TXNRD1: variants seen among roughly 807,000 people sequenced by gnomAD.
The protein encoded by TXNRD1 is thioredoxin reductase 1, cytoplasmic.
Under a neutral mutation model 80.3 loss-of-function variants are expected in TXNRD1, and 57 were observed. That is an observed-to-expected ratio of 0.71 (90% CI 0.57 to 0.89). TXNRD1 has a LOEUF of 0.89. Ranked by LOEUF, TXNRD1 falls within the 40% of genes least tolerant of loss-of-function variation. The pLI is 0.00. For synonymous variants in TXNRD1, 291 were observed against 285.2 expected, an observed-to-expected ratio of 1.02 and a Z score of -0.20; for missense variants, 730 against 803.0, an observed-to-expected ratio of 0.91 and a Z score of 1.10.
In TXNRD1 at chr12:104,249,804, A is replaced by G. The variant is rs575682057; in HGVS notation, c.92-1723A>G. ...CAAAAAATTAGCCGGGCGTGGTGGC[A>G]GGCGCCTGTAGTCCCAGCTACTCGC... On this transcript the variant is annotated intron_variant, in intron 1 of 16. Transcript: ENST00000525566. 1.8e-3 allele frequency among the ~76,000 whole-genome samples: 270 copies of G among 151,952 alleles called. 2 individuals carry two copies. The highest frequency in any genetic ancestry group is 0.015 in the South Asian group (70 of 4,814).
chr12:104,300,054 T>A (rs1312981658), intron 4 of TXNRD1, among the ~76,000 whole-genome samples: 1 of 152,192 alleles, frequency 6.6e-6, no homozygotes, highest in Non-Finnish European at 1.5e-5. Context: ...TAGGTAAGTG[T>A]TAACAGCAAA....
intron 3 of TXNRD1, among the ~76,000 whole-genome samples, chr12:104,262,120 G>A (rs373174973): frequency 1.3e-5 from 2 of 151,130 alleles, no homozygotes; most frequent in Non-Finnish European, 1.5e-5. Flanking sequence ...TTATCCCAGC[G>A]ACTCAGGAGG....
At chr12:104,330,661 A>G (rs1209231194) in intron 13 of TXNRD1, among the ~76,000 whole-genome samples, 1 of 152,040 alleles carries the variant, frequency 6.6e-6, no homozygotes, top group African/African-American at 2.4e-5. Context: ...ATCTTGGCTC[A>G]CTGCAACCTC....
intron 1 of TXNRD1, among the ~76,000 whole-genome samples, chr12:104,224,343 G>A (rs771031093): frequency 6.6e-6 from 1 of 152,132 alleles, no homozygotes; most frequent in East Asian, 1.9e-4. Context: ...GTATTGTGTA[G>A]CATTCTATTA....
At chr12:104,255,569 C>A (rs1055988696) in intron 2 of TXNRD1, among the ~76,000 whole-genome samples, 1 of 152,084 alleles carries the variant, frequency 6.6e-6, no homozygotes, top group Non-Finnish European at 1.5e-5. Context: ...GAGGCCGAGG[C>A]GGGCGGATCA....
At chr12:104,348,272 C>A in intron 16 of TXNRD1, 81 bp from the exon 17 acceptor site, 2 of 1,287,918 alleles carry the variant, frequency 1.6e-6, no homozygotes, top group Non-Finnish European at 2.2e-6. Context: ...GGTTTTAATG[C>A]ATATGGCATT....
intron 5 of TXNRD1, among the ~76,000 whole-genome samples, chr12:104,312,836 C>T (rs560826406): frequency 6.6e-6 from 1 of 152,228 alleles, no homozygotes; most frequent in South Asian, 2.1e-4. Flanking sequence ...TAAAATATCA[C>T]CTTATAGGAT....
chr12:104,247,826 G>C (rs2033025297), intron 1 of TXNRD1, among the ~76,000 whole-genome samples: 1 of 152,164 alleles, frequency 6.6e-6, no homozygotes. Context: ...CCTGCTTTTA[G>C]AGTCAGTCAT....
In TXNRD1 at chr12:104,218,228, G is replaced by A. The variant is rs183049073; in HGVS notation, c.91+2335G>A. Among the ~76,000 whole-genome samples, 145 of 152,190 alleles carry A rather than the reference G, an allele frequency of 9.5e-4. 1 individual carries two copies. Among genetic ancestry groups the A allele is most frequent in the South Asian group, 8.3e-3 (40 of 4,820 alleles). ...TTTAGTAGTGACGGGGTTTCACCAT[G>A]TTGGCCAGGCTGGTCTTGAACTCTT... On this transcript the variant is annotated intron_variant, in intron 1 of 16. Transcript: ENST00000525566.
chr12:104,272,606 A>G (rs1435208448), intron 3 of TXNRD1, among the ~76,000 whole-genome samples: 2 of 152,160 alleles, frequency 1.3e-5, no homozygotes, highest in African/African-American at 2.4e-5. Flanking sequence ...CATCCTGGCT[A>G]TGGTGAAACC....
At chr12:104,252,662 T>TA (rs756948232) in intron 2 of TXNRD1, among the ~76,000 whole-genome samples, 6,962 of 45,460 alleles carry the variant, frequency 0.15, 616 homozygotes, top group Non-Finnish European at 0.18. Flanking sequence ...TTATTATTTT[T>TA]TATATATATA....
chr12:104,347,649 T>C (rs971093842), intron 16 of TXNRD1, among the ~76,000 whole-genome samples: 1 of 152,196 alleles, frequency 6.6e-6, no homozygotes, highest in African/African-American at 2.4e-5. Flanking sequence ...AAAGAGCATA[T>C]TGGCAACAGC....
In TXNRD1 at chr12:104,265,507, G is replaced by C. The variant is rs904848134; in HGVS notation, c.304+7428G>C. On this transcript the variant is annotated intron_variant, in intron 3 of 16. Coordinates refer to ENST00000525566, the MANE Select transcript of TXNRD1 (RefSeq NM_001093771.3). The stretch of plus-strand genomic sequence containing the variant: ...AGGGGAGATTGTCTACTGTGGGCAG[G>C]TGTTTGAGAAGTCCCCCCTGCGGGT... The C allele has an allele frequency of 3.1e-6, 5 of 1,611,058 alleles. No homozygotes were observed. The Admixed American group carries it at 6.7e-5, about 22-fold the overall frequency.
chr12:104,306,464 A>G (rs1183068616), intron 4 of TXNRD1, among the ~76,000 whole-genome samples: 4 of 152,166 alleles, frequency 2.6e-5, no homozygotes, highest in African/African-American at 4.8e-5. Context: ...GAATTTTGCC[A>G]TTAAACAATA....
intron 14 of TXNRD1, among the ~76,000 whole-genome samples, chr12:104,332,437 C>T (rs1023235359): frequency 6.6e-6 from 1 of 152,070 alleles, no homozygotes; most frequent in Non-Finnish European, 1.5e-5. Context: ...ACATTATTAA[C>T]CTTTTTTTCT....
At chr12:104,223,301 A>G (rs2032395553) in intron 1 of TXNRD1, among the ~76,000 whole-genome samples, 1 of 152,206 alleles carries the variant, frequency 6.6e-6, no homozygotes, top group Admixed American at 6.5e-5. Flanking sequence ...TGCACTCTAT[A>G]TAGGGTCAAT....
At chr12:104,215,948 C>T (rs1237841197) in intron 1 of TXNRD1, 55 bp downstream of exon 1, 17 of 1,470,118 alleles carry the variant, frequency 1.2e-5, no homozygotes, top group African/African-American at 2.8e-5. Context: ...AGCGGGCCTT[C>T]CGGCCGGGGT....
chr12:104,273,605 A>G (rs2033699355), intron 3 of TXNRD1, among the ~76,000 whole-genome samples: 1 of 152,036 alleles, frequency 6.6e-6, no homozygotes, highest in South Asian at 2.1e-4. Context: ...AAGAACAAAC[A>G]TACAAACAAC....
intron 3 of TXNRD1, among the ~76,000 whole-genome samples, chr12:104,267,377 A>G (rs1025058008): frequency 1.3e-5 from 2 of 151,184 alleles, no homozygotes; most frequent in African/African-American, 4.9e-5. Context: ...TCCTGGCTTC[A>G]TGCAATCCTC....
Sources: allele counts gnomAD v4.1 joint callset (sites outside exome capture counted in the v4.1 genomes callset), GRCh38; gene constraint gnomAD v4.1.1; transcripts MANE v1.5; gene names NCBI Gene and HGNC (gene_info 2026-07-23, HGNC 2026-07-21).